The following POLE4 variants were observed in gnomAD, a reference collection of about 807,000 sequenced individuals.
POLE4 encodes DNA polymerase epsilon subunit 4.
A neutral mutation model predicts 15.6 loss-of-function variants in POLE4; 15 were observed. That is an observed-to-expected ratio of 0.96 (90% CI 0.64 to 1.48). The LOEUF (loss-of-function observed/expected upper bound fraction) is 1.48. POLE4 is among the 40% of genes most tolerant of loss of function. The pLI is 0.00. For synonymous variants in POLE4, 83 were observed against 63.2 expected, an observed-to-expected ratio of 1.31 and a Z score of -1.49; for missense variants, 205 against 151.9, an observed-to-expected ratio of 1.35 and a Z score of -1.84.
Position 74,960,095 on chromosome 2 carries a change from TG to T in POLE4, c.299-9del, listed in dbSNP as rs752142382. 2.4e-5 allele frequency: 38 copies of T among 1,613,134 alleles called. No individual in the cohort carries two copies. The Admixed American group carries it at 3.3e-4, about 14-fold the overall frequency. ...AAGTTAGTCAGGTGTCTCTTTTCCT[TG>T]TGTTTCAGATAATGCAATAGAAGCT... is the stretch of plus-strand genomic sequence containing the variant. On this transcript the variant is annotated splice_polypyrimidine_tract_variant and intron_variant, in intron 2 of 3. Transcript: ENST00000483063.
Position 74,969,430 on chromosome 2 carries a change from G to A in POLE4, c.*8G>A. ...TTAGGTACTTTAGATTGATTGCCGA[G>A]CGGGGCAGTTTTGTGAGCCTTCATC... On this transcript the variant is annotated 3_prime_UTR_variant, in exon 4 of 4. Transcript: ENST00000483063. The A allele has an allele frequency of 6.2e-7, 1 of 1,613,728 alleles. No homozygotes were observed. The highest frequency in any genetic ancestry group is 2.2e-5 in the East Asian group (1 of 44,876).
At chr2:74,963,743 G>A (rs1243840810) in intron 3 of POLE4, among the ~76,000 whole-genome samples, 2 of 152,200 alleles carry the variant, frequency 1.3e-5, no homozygotes, top group African/African-American at 2.4e-5. Flanking sequence ...GCCTGCCTCC[G>A]CCTTCCAAGG....
chr2:74,969,372 G>A, intron 3 of POLE4, 37 bp from the exon 4 acceptor site: 1 of 1,609,128 alleles, frequency 6.2e-7, no homozygotes, highest in African/African-American at 1.3e-5. Flanking sequence ...CAGCTTCTGA[G>A]GTCCCCTGAT....
chr2:74,963,269 A>G (rs1367350584), intron 3 of POLE4, among the ~76,000 whole-genome samples: 1 of 152,138 alleles, frequency 6.6e-6, no homozygotes, highest in East Asian at 1.9e-4. Flanking sequence ...ATTGCTTCTC[A>G]TTCTTACCCA....
chr2:74,958,730 A>G lies in POLE4; in HGVS notation c.51A>G (p.Gly17=), dbSNP rs1424935139. Reference sequence around the variant, plus strand: ...GCGGGACGCCCCGAGAGGAGGAGGGACCTGCTGGGGAGGCAGCGGCCTCGC... The same window carrying G: ...GCGGGACGCCCCGAGAGGAGGAGGGGCCTGCTGGGGAGGCAGCGGCCTCGC... ...AGSGTPREEE[G]PAGEAAASQP... Residue 17 remains glycine, a synonymous_variant, in exon 1 of 4, where the codon GGA becomes GGG. Transcript: ENST00000483063. 2 of 1,516,122 alleles carry G rather than the reference A, an allele frequency of 1.3e-6. No individual in the cohort carries two copies. The highest frequency in any genetic ancestry group is 1.2e-5 in the South Asian group (1 of 81,080). The allele number at this position is 1,516,122 out of a possible 1,614,324, so 93.9% of individuals were successfully genotyped here.
At chr2:74,961,752 T>C (rs887686273) in intron 3 of POLE4, among the ~76,000 whole-genome samples, 8 of 152,200 alleles carry the variant, frequency 5.3e-5, no homozygotes, top group African/African-American at 1.7e-4. Context: ...TCTGCCTTCA[T>C]CCTCATTTAT....
rs372573430 is a variant in POLE4, at chr2:74,969,467, G to T, written c.*45G>T. 6.3e-6 allele frequency: 10 copies of T among 1,594,184 alleles called. No homozygotes were observed. In the East Asian group the frequency reaches 1.1e-4, roughly 18 times the overall value. On this transcript the variant is annotated 3_prime_UTR_variant, in exon 4 of 4. Transcript: ENST00000483063. ...TGTGAGCCTTCATCTGAAGCCTTCA[G>T]TTCACCCCTCTGCACAGGCCTCAGC...
intron 3 of POLE4, among the ~76,000 whole-genome samples, chr2:74,966,059 T>C (rs920827278): frequency 4.0e-4 from 60 of 151,728 alleles, no homozygotes; most frequent in Non-Finnish European, 3.1e-4. Context: ...GTTTTTTTTT[T>C]CTCTCAATTT....
chr2:74,960,169 A>T, intron 3 of POLE4, 23 bp downstream of exon 3: 1 of 1,593,400 alleles, frequency 6.3e-7, no homozygotes, highest in Non-Finnish European at 8.6e-7. Context: ...TCAGTGGGCA[A>T]TCATTTCCGC....
At chr2:74,959,201 T>C in intron 1 of POLE4, 140 bp from the exon 2 acceptor site, 1 of 635,912 alleles carries the variant, frequency 1.6e-6, no homozygotes, top group East Asian at 2.7e-5. Context: ...CTTCATGAAG[T>C]CCAGGACAAT....
Position 74,959,179 on chromosome 2 carries a change from A to G in POLE4, c.214-162A>G, listed in dbSNP as rs544707715. On this transcript the variant is annotated intron_variant, in intron 1 of 3. Coordinates refer to ENST00000483063, the MANE Select transcript of POLE4 (RefSeq NM_019896.4). ...TGAGGGAGAATACTGGGAAGAGGGT[A>G]GCGGAATGGATCTTCATGAAGTCCA... 4.5e-5 allele frequency: 28 copies of G among 621,360 alleles called. 1 individual carries two copies. The South Asian group carries it at 5.5e-4, about 12-fold the overall frequency. The allele number at this position is 621,360 out of a possible 1,614,324, so 38.5% of individuals were successfully genotyped here. A position where few individuals can be genotyped will look rare whatever the true frequency, so the allele number is the denominator to read the frequency against.
intron 3 of POLE4, chr2:74,960,519 T>G: frequency 2.1e-6 from 1 of 478,368 alleles, no homozygotes; most frequent in Non-Finnish European, 4.1e-6. Context: ...CCGCTTGTTC[T>G]TTTTTCTTCA....
rs1671173322 is a variant in POLE4, at chr2:74,959,071, C to T, written c.213+179C>T. The T allele has an allele frequency of 1.3e-5, 8 of 630,020 alleles. No individual in the cohort carries two copies. The East Asian group carries it at 1.9e-4, about 15-fold the overall frequency. The allele number at this position is 630,020 out of a possible 1,614,324, so 39.0% of individuals were successfully genotyped here. A position where few individuals can be genotyped will look rare whatever the true frequency, so the allele number is the denominator to read the frequency against. On this transcript the variant is annotated intron_variant, in intron 1 of 3. Coordinates refer to ENST00000483063, the MANE Select transcript of POLE4 (RefSeq NM_019896.4). The stretch of plus-strand genomic sequence containing the variant: ...GTGCGAGTTTTGTTAACACTCCTCC[C>T]TCTTGTTGAGGACCTGGATAGTGAG...
chr2:74,959,215 A>G (rs905292093), intron 1 of POLE4, 126 bp from the exon 2 acceptor site: 2 of 648,774 alleles, frequency 3.1e-6, no homozygotes, highest in Non-Finnish European at 5.6e-6. Flanking sequence ...GGACAATCTT[A>G]GCTTCCAGAA....
In POLE4 at chr2:74,958,733, T is replaced by G. The variant is rs1671162171; in HGVS notation, c.54T>G (p.Pro18=). ...GSGTPREEEG[P]AGEAAASQPQ... ...GGACGCCCCGAGAGGAGGAGGGACC[T>G]GCTGGGGAGGCAGCGGCCTCGCAGC... The change falls in exon 1 of 4, where the codon CCT becomes CCG. Residue 18 remains proline, a synonymous_variant. Transcript: ENST00000483063. 1 of 1,523,760 alleles carries G rather than the reference T, an allele frequency of 6.6e-7. No homozygotes were observed. The highest frequency in any genetic ancestry group is 2.7e-5 in the East Asian group (1 of 37,320). The allele number at this position is 1,523,760 out of a possible 1,614,324, so 94.4% of individuals were successfully genotyped here. A position where few individuals can be genotyped will look rare whatever the true frequency, so the allele number is the denominator to read the frequency against.
chr2:74,959,079 G>T lies in POLE4; in HGVS notation c.213+187G>T, dbSNP rs549586030. 206 of 622,068 alleles carry T rather than the reference G, an allele frequency of 3.3e-4. 2 individuals carry two copies. In the African/African-American group the frequency reaches 3.4e-3, roughly 10 times the overall value. 38.5% of individuals were successfully genotyped at this position (622,068 alleles called of 1,614,324 possible). ...TTTGTTAACACTCCTCCCTCTTGTT[G>T]AGGACCTGGATAGTGAGTGACTTTA... On this transcript the variant is annotated intron_variant, in intron 1 of 3. Coordinates refer to ENST00000483063, the MANE Select transcript of POLE4 (RefSeq NM_019896.4).
chr2:74,967,525 G>A (rs1034605445), intron 3 of POLE4, among the ~76,000 whole-genome samples: 1 of 151,916 alleles, frequency 6.6e-6, no homozygotes, highest in African/African-American at 2.4e-5. Flanking sequence ...TTGTTTTATA[G>A]TGAATGTTCC....
chr2:74,958,887 G>T lies in POLE4; in HGVS notation c.208G>T (p.Ala70Ser). 1 of 1,554,656 alleles carries T rather than the reference G, an allele frequency of 6.4e-7. No homozygotes were observed. The highest frequency in any genetic ancestry group is 8.7e-7 in the Non-Finnish European group (1 of 1,148,822). ...GGAAGCCATCTTCATTCTGGCACGAGCCGCGGTGCGCCTGCAGCGCGAGGG... is the reference window on the plus strand; with the variant it reads ...GGAAGCCATCTTCATTCTGGCACGATCCGCGGTGCGCCTGCAGCGCGAGGG... ...GQEAIFILARAAELFVETIAK... is the reference protein window; with the variant it reads ...GQEAIFILARSAELFVETIAK... Residue 70 changes from alanine to serine, a missense_variant, in exon 1 of 4, where the codon GCC becomes TCC. Coordinates refer to ENST00000483063, the MANE Select transcript of POLE4 (RefSeq NM_019896.4).
chr2:74,962,941 TTTAAG>T (rs1187599254), intron 3 of POLE4, among the ~76,000 whole-genome samples: 1 of 152,256 alleles, frequency 6.6e-6, no homozygotes, highest in Non-Finnish European at 1.5e-5. Flanking sequence ...ACACAACTGT[TTTAAG>T]TTAACACATT....
Sources: gnomAD v4.1 joint callset for allele counts (sites outside exome capture counted in the v4.1 genomes callset) on GRCh38, gnomAD v4.1.1 for gene constraint, MANE v1.5 for transcripts, NCBI Gene and HGNC (gene_info 2026-07-23, HGNC 2026-07-21) for gene names.